The following AGAP1 variants were observed in gnomAD, a reference collection of about 807,000 sequenced individuals.
AGAP1 encodes the protein arf-GAP with GTPase, ANK repeat and PH domain-containing protein 1.
A neutral mutation model predicts 105.3 loss-of-function variants in AGAP1; 29 were observed. The observed-to-expected ratio is 0.28, with a 90% CI of 0.21 to 0.38. The LOEUF is 0.38. Among genes scored for constraint, AGAP1 ranks in the 10% least tolerant of loss-of-function variants. AGAP1 has a pLI of 1.00. For synonymous variants in AGAP1, 509 were observed against 485.9 expected (o/e 1.05, Z -0.63); for missense variants, 998 against 1,165.1 (o/e 0.86, Z 2.09).
At chr2:235,558,587 A>G (rs1428285884) in intron 1 of AGAP1, among the ~76,000 whole-genome samples, 2 of 152,152 alleles carry the variant, frequency 1.3e-5, no homozygotes, top group Non-Finnish European at 2.9e-5. Flanking sequence ...AAAAGACCCC[A>G]GAGAGGCCAG....
At position 235,961,377 on chromosome 2, in the gene AGAP1, A is replaced by G. The variant is rs543634715; in HGVS notation, c.1484-7085A>G. Among the ~76,000 whole-genome samples, 1 of 152,296 alleles carries G rather than the reference A, an allele frequency of 6.6e-6. No homozygotes were observed. Among genetic ancestry groups the G allele is most frequent in the South Asian group, 2.1e-4 (1 of 4,828 alleles). The stretch of plus-strand genomic sequence containing the variant: ...AAGGCGGCAGGGATGAGCTGTGTGG[A>G]TGCTGCTGAGACTGGTGTGACTGCT... On this transcript the variant is annotated intron_variant, in intron 12 of 17. Transcript: ENST00000304032. This position sits in a 1 kb window ranked among gnomAD's most constrained non-coding sequence, Gnocchi z 5.9.
Position 235,994,940 on chromosome 2 carries a change from G to A in AGAP1, c.1645+26317G>A, listed in dbSNP as rs148465948. ...ACATTAGCCAAGCGTGGTGGTAGGCGCCTGTAATCGCAGCTACTTGGGAGG... is the reference window on the plus strand; with the variant it reads ...ACATTAGCCAAGCGTGGTGGTAGGCACCTGTAATCGCAGCTACTTGGGAGG... On this transcript the variant is annotated intron_variant, in intron 13 of 17. Coordinates refer to ENST00000304032, the MANE Select transcript of AGAP1 (RefSeq NM_001037131.3). This position sits in a 1 kb window ranked among gnomAD's most constrained non-coding sequence, Gnocchi z 4.4. 3.2e-3 allele frequency among the ~76,000 whole-genome samples: 484 copies of A among 150,220 alleles called. 3 individuals are homozygous for A. The highest frequency in any genetic ancestry group is 5.9e-3 in the South Asian group (28 of 4,724).
chr2:235,602,944 C>T (rs1361515692), intron 1 of AGAP1, among the ~76,000 whole-genome samples: 1 of 152,166 alleles, frequency 6.6e-6, no homozygotes, highest in Non-Finnish European at 1.5e-5. Context: ...TCAGGTGATC[C>T]TCCTGCATCG....
At chr2:236,077,136 A>G (rs920030649) in intron 16 of AGAP1, among the ~76,000 whole-genome samples, 1 of 144,300 alleles carries the variant, frequency 6.9e-6, no homozygotes, top group Non-Finnish European at 1.5e-5. Flanking sequence ...GAAAAAAAAA[A>G]AAAAAAATAT....
rs1274570686 is a variant in AGAP1, at chr2:235,614,465, T to C, written c.164-94714T>C. ...TGTATTTGGGGAGGGAAGAAGGCAG[T>C]TGTAGCTCAAGGGAGAGAAAAGGCA... On this transcript the variant is annotated intron_variant, in intron 1 of 17. Transcript: ENST00000304032. This position sits in a 1 kb window ranked among gnomAD's most constrained non-coding sequence, Gnocchi z 4.7. Among the ~76,000 whole-genome samples the C allele has an allele frequency of 6.6e-6, 1 of 152,094 alleles. No individual in the cohort carries two copies. Among genetic ancestry groups the C allele is most frequent in the South Asian group, 2.1e-4 (1 of 4,826 alleles).
intron 1 of AGAP1, among the ~76,000 whole-genome samples, chr2:235,673,007 A>G (rs754610341): frequency 7.2e-5 from 11 of 152,226 alleles, no homozygotes; most frequent in Non-Finnish European, 1.3e-4. Flanking sequence ...CGGAAATTTA[A>G]TGAACTACAT....
chr2:236,065,780 G>A (rs974193987), intron 16 of AGAP1, among the ~76,000 whole-genome samples: 1 of 152,226 alleles, frequency 6.6e-6, no homozygotes, highest in Non-Finnish European at 1.5e-5. Flanking sequence ...GGGCTTCAGG[G>A]CAAATGAAGC....
intron 15 of AGAP1, among the ~76,000 whole-genome samples, chr2:236,043,612 G>A (rs769620583): frequency 4.1e-4 from 21 of 51,778 alleles, no homozygotes; most frequent in East Asian, 2.3e-3. Flanking sequence ...CTGTAATCCC[G>A]GCTACTTGGG....
chr2:235,855,545 G>T lies in AGAP1; in HGVS notation c.1051-27800G>T, dbSNP rs149304799. ...GTTGAGTTATAGTAAATTTAAAATC[G>T]AGCAATTTCTGCTTTAAATATAGGG... On this transcript the variant is annotated intron_variant, in intron 9 of 17. Coordinates refer to ENST00000304032, the MANE Select transcript of AGAP1 (RefSeq NM_001037131.3). This position sits in a 1 kb window ranked among gnomAD's most constrained non-coding sequence, Gnocchi z 5.0. 3.1e-3 allele frequency among the ~76,000 whole-genome samples: 474 copies of T among 152,238 alleles called. 1 individual carries two copies. Among genetic ancestry groups the T allele is most frequent in the African/African-American group, 0.011 (441 of 41,552 alleles).
rs547742447 is a variant in AGAP1, at chr2:235,617,345, T to C, written c.164-91834T>C. Among the ~76,000 whole-genome samples, 3 of 152,306 alleles carry C rather than the reference T, an allele frequency of 2.0e-5. No individual in the cohort carries two copies. The East Asian group carries it at 5.8e-4, about 29-fold the overall frequency. Reference sequence around the variant, plus strand: ...GATTTTTAAGAGGAAATTAGAATAGTGGTTGAAATCATGAGGCCCCAAATC... The same window carrying C: ...GATTTTTAAGAGGAAATTAGAATAGCGGTTGAAATCATGAGGCCCCAAATC... On this transcript the variant is annotated intron_variant, in intron 1 of 17. Transcript: ENST00000304032.
rs1944068916 is a variant in AGAP1, at chr2:235,559,167, T to A, written c.163+64318T>A. 6.6e-6 allele frequency among the ~76,000 whole-genome samples: 1 copy of A among 152,172 alleles called. No homozygotes were observed. The highest frequency in any genetic ancestry group is 1.5e-5 in the Non-Finnish European group (1 of 68,034). ...GTCTTGAACTCCTGGGCTTAAGTGA[T>A]CCTCGCACCTCAGCTTCCCAAAGTG... On this transcript the variant is annotated intron_variant, in intron 1 of 17. Coordinates refer to ENST00000304032, the MANE Select transcript of AGAP1 (RefSeq NM_001037131.3). The surrounding 1 kb of genome is among the most constrained non-coding windows in gnomAD (Gnocchi z 5.7).
chr2:235,983,193 G>C lies in AGAP1; in HGVS notation c.1645+14570G>C, dbSNP rs2055167866. Among the ~76,000 whole-genome samples, 1 of 152,072 alleles carries C rather than the reference G, an allele frequency of 6.6e-6. No individual in the cohort carries two copies. Among genetic ancestry groups the C allele is most frequent in the African/African-American group, 2.4e-5 (1 of 41,402 alleles). On this transcript the variant is annotated intron_variant, in intron 13 of 17. Transcript: ENST00000304032. This position sits in a 1 kb window ranked among gnomAD's most constrained non-coding sequence, Gnocchi z 4.5. Reference sequence around the variant, plus strand: ...GGACAGGATGGGGGGTTATGGAAGTGCCCAGCAAGGGGAGCTGCAGGAGGG... The same window carrying C: ...GGACAGGATGGGGGGTTATGGAAGTCCCCAGCAAGGGGAGCTGCAGGAGGG...
In AGAP1 at chr2:235,765,342, G is replaced by A. The variant is rs564352775; in HGVS notation, c.673+14854G>A. Among the ~76,000 whole-genome samples the A allele has an allele frequency of 2.2e-4, 33 of 152,036 alleles. No homozygotes were observed. The East Asian group carries it at 3.7e-3, about 17-fold the overall frequency. Reference sequence around the variant, plus strand: ...GTGTCTGTGGGATGGGGGCACCTGCGAGCGCCCGTGGCAGCTGCTTTGCTT... The same window carrying A: ...GTGTCTGTGGGATGGGGGCACCTGCAAGCGCCCGTGGCAGCTGCTTTGCTT... On this transcript the variant is annotated intron_variant, in intron 6 of 17. Coordinates refer to ENST00000304032, the MANE Select transcript of AGAP1 (RefSeq NM_001037131.3).
At chr2:235,516,890 C>T (rs115796952) in intron 1 of AGAP1, among the ~76,000 whole-genome samples, 2 of 152,354 alleles carry the variant, frequency 1.3e-5, no homozygotes, top group African/African-American at 4.8e-5. Context: ...CCTCTGCAAA[C>T]AGCCATGCAG....
chr2:235,870,742 CTG>C (rs1316597063), intron 9 of AGAP1, among the ~76,000 whole-genome samples: 1 of 152,188 alleles, frequency 6.6e-6, no homozygotes, highest in Non-Finnish European at 1.5e-5. Flanking sequence ...GGCATAAGAA[CTG>C]TATATTCTCC....
In AGAP1 at chr2:235,904,596, G is replaced by A. The variant is rs1361263980; in HGVS notation, c.1156-4142G>A. Among the ~76,000 whole-genome samples, 1 of 152,162 alleles carries A rather than the reference G, an allele frequency of 6.6e-6. No individual in the cohort carries two copies. Among genetic ancestry groups the A allele is most frequent in the African/African-American group, 2.4e-5 (1 of 41,436 alleles). On this transcript the variant is annotated intron_variant, in intron 10 of 17. Transcript: ENST00000304032. The surrounding 1 kb of genome is among the most constrained non-coding windows in gnomAD (Gnocchi z 4.2). Reference sequence around the variant, plus strand: ...TCAACAAGGAACATGGAGAAGGGTAGTATCTGTAACATTTGCATATCAAAA... The same window carrying A: ...TCAACAAGGAACATGGAGAAGGGTAATATCTGTAACATTTGCATATCAAAA...
Position 236,121,951 on chromosome 2 carries a change from C to A in AGAP1, c.2370+1504C>A, listed in dbSNP as rs2059910400. On this transcript the variant is annotated intron_variant, in intron 17 of 17. Transcript: ENST00000304032. The surrounding 1 kb of genome is among the most constrained non-coding windows in gnomAD (Gnocchi z 4.9). ...TCGCTCCTGGTAGCTCTCTCCTTTC[C>A]CCCCACCCCCTTCTTTTTGGGACAA... Among the ~76,000 whole-genome samples the A allele has an allele frequency of 6.6e-6, 1 of 150,520 alleles. No individual in the cohort carries two copies. The highest frequency in any genetic ancestry group is 2.1e-4 in the South Asian group (1 of 4,662).
Position 235,927,396 on chromosome 2 carries a change from T to G in AGAP1, c.1325-3369T>G, listed in dbSNP as rs1460066629. On this transcript the variant is annotated intron_variant, in intron 11 of 17. Transcript: ENST00000304032. This position sits in a 1 kb window ranked among gnomAD's most constrained non-coding sequence, Gnocchi z 4.4. ...CCAGCATCTCAGTGGATTGGACTTG[T>G]CCTTGTATTTTGATGGACAGACAGA... 3.3e-5 allele frequency among the ~76,000 whole-genome samples: 5 copies of G among 152,168 alleles called. No homozygotes were observed. Among genetic ancestry groups the G allele is most frequent in the Non-Finnish European group, 7.4e-5 (5 of 68,026 alleles).
chr2:235,779,038 G>A (rs1419698341), intron 6 of AGAP1, among the ~76,000 whole-genome samples: 1 of 152,194 alleles, frequency 6.6e-6, no homozygotes, highest in African/African-American at 2.4e-5. Flanking sequence ...AGGTAACTTG[G>A]TAAAGATCAT....
Sources: allele counts gnomAD v4.1 joint callset (sites outside exome capture counted in the v4.1 genomes callset), GRCh38; gene constraint gnomAD v4.1.1; non-coding constraint Gnocchi (gnomAD v3.1); transcripts MANE v1.5; gene names NCBI Gene and HGNC (gene_info 2026-07-23, HGNC 2026-07-21).